GRID2: variants seen among roughly 807,000 people sequenced by gnomAD.
GRID2 encodes glutamate receptor ionotropic, delta-2.
GRID2 carries 33 observed loss-of-function variants against 114.8 expected under a neutral mutation model. The observed-to-expected ratio is 0.29, with a 90% CI of 0.22 to 0.38. The LOEUF (loss-of-function observed/expected upper bound fraction) is 0.38. GRID2 is among the 10% of genes least tolerant of loss of function. The pLI is 1.00. For missense variants in GRID2, 1,184 were observed against 1,257.7 expected (o/e 0.94, Z 0.89); for synonymous variants, 505 against 449.9 (o/e 1.12, Z -1.55).
At chr4:92,877,728 C>A (rs905879551) in intron 2 of GRID2, among the ~76,000 whole-genome samples, 4 of 152,140 alleles carry the variant, frequency 2.6e-5, no homozygotes, top group African/African-American at 9.7e-5. Flanking sequence ...TATAGTCCTG[C>A]AAAGTGGTTT....
Position 93,695,347 on chromosome 4 carries a change from G to C in GRID2, c.2360+68912G>C, listed in dbSNP as rs537768813. 1.1e-4 allele frequency among the ~76,000 whole-genome samples: 17 copies of C among 152,136 alleles called. 1 individual carries two copies. Among genetic ancestry groups the C allele is most frequent in the African/African-American group, 4.1e-4 (17 of 41,524 alleles). On this transcript the variant is annotated intron_variant, in intron 14 of 15. Transcript: ENST00000282020. ...AGGACTGGGCTATAATGGCACAATC[G>C]AAATGCATTAAATCAAATTGTAAGA...
At chr4:92,800,492 A>T (rs1740099957) in intron 2 of GRID2, among the ~76,000 whole-genome samples, 1 of 152,010 alleles carries the variant, frequency 6.6e-6, no homozygotes, top group Admixed American at 6.6e-5. Flanking sequence ...AATAGCACAT[A>T]TATCAATATG....
intron 7 of GRID2, among the ~76,000 whole-genome samples, chr4:93,231,715 G>A (rs1746171732): frequency 1.3e-5 from 2 of 152,016 alleles, no homozygotes; most frequent in Non-Finnish European, 1.5e-5. Context: ...AAATATGAAG[G>A]GTTATCTACA....
At chr4:92,373,212 T>C (rs1219435786) in intron 1 of GRID2, among the ~76,000 whole-genome samples, 1 of 152,168 alleles carries the variant, frequency 6.6e-6, no homozygotes, top group African/African-American at 2.4e-5. Context: ...GAAATTCTGA[T>C]TGGTAAAGAA....
intron 2 of GRID2, among the ~76,000 whole-genome samples, chr4:92,872,124 T>A (rs1290759642): frequency 1.3e-5 from 2 of 152,202 alleles, no homozygotes; most frequent in Admixed American, 6.5e-5. Flanking sequence ...TTTATTAACT[T>A]ATTTTTAGTA....
At chr4:93,697,270 A>G (rs1727100149) in intron 14 of GRID2, among the ~76,000 whole-genome samples, 1 of 152,162 alleles carries the variant, frequency 6.6e-6, no homozygotes, top group Non-Finnish European at 1.5e-5. Flanking sequence ...TCTTTTCTGA[A>G]AAGAAGTAGA....
At chr4:93,076,372 T>C (rs1729300246) in intron 2 of GRID2, among the ~76,000 whole-genome samples, 1 of 152,162 alleles carries the variant, frequency 6.6e-6, no homozygotes, top group Admixed American at 6.5e-5. Context: ...AGTTTGATTT[T>C]CACTTGCAGA....
intron 1 of GRID2, among the ~76,000 whole-genome samples, chr4:92,346,685 G>A (rs1185616521): frequency 6.6e-6 from 1 of 152,076 alleles, no homozygotes; most frequent in African/African-American, 2.4e-5. Flanking sequence ...ACAATATCAG[G>A]GAGAAAATCA....
intron 14 of GRID2, among the ~76,000 whole-genome samples, chr4:93,715,531 A>T (rs979389240): frequency 3.9e-5 from 6 of 152,102 alleles, no homozygotes; most frequent in Admixed American, 3.9e-4. Context: ...CAGTGTGGCC[A>T]TTTTCACAAT....
At chr4:93,442,210 A>T (rs535004022) in intron 10 of GRID2, among the ~76,000 whole-genome samples, 1 of 152,166 alleles carries the variant, frequency 6.6e-6, no homozygotes, top group South Asian at 2.1e-4. Flanking sequence ...ACTCAATTCT[A>T]GTTCTTTTAT....
At chr4:92,990,711 A>T (rs972731150) in intron 2 of GRID2, among the ~76,000 whole-genome samples, 2 of 152,004 alleles carry the variant, frequency 1.3e-5, no homozygotes, top group Non-Finnish European at 1.5e-5. Flanking sequence ...TGACTGAAGA[A>T]AAAAAAATGA....
chr4:92,497,200 C>T (rs559990601), intron 1 of GRID2, among the ~76,000 whole-genome samples: 50 of 151,768 alleles, frequency 3.3e-4, no homozygotes, highest in African/African-American at 1.2e-3. Context: ...ACTTCCAAGG[C>T]GTCTTTGAAG....
chr4:93,719,444 C>G, intron 14 of GRID2, among the ~76,000 whole-genome samples: 1 of 151,890 alleles, frequency 6.6e-6, no homozygotes, highest in Non-Finnish European at 1.5e-5. Flanking sequence ...GCTCCAAAGG[C>G]TCATCTTTTT....
At chr4:93,557,212 T>C (rs1734407401) in intron 13 of GRID2, among the ~76,000 whole-genome samples, 1 of 152,120 alleles carries the variant, frequency 6.6e-6, no homozygotes, top group Non-Finnish European at 1.5e-5. Flanking sequence ...GCTAGCATCA[T>C]AATGACAGGG....
chr4:93,733,113 A>G lies in GRID2; in HGVS notation c.2361-36097A>G, dbSNP rs369253051. Among the ~76,000 whole-genome samples, 96 of 152,236 alleles carry G rather than the reference A, an allele frequency of 6.3e-4. 8 individuals are homozygous for G. The East Asian group carries it at 9.6e-3, about 15-fold the overall frequency. ...ATTTTTATTGCTGTTACTTCACCCTACCATCAAATTAGGGAGGCTTTCTAA... is the reference window on the plus strand; with the variant it reads ...ATTTTTATTGCTGTTACTTCACCCTGCCATCAAATTAGGGAGGCTTTCTAA... On this transcript the variant is annotated intron_variant, in intron 14 of 15. Coordinates refer to ENST00000282020, the MANE Select transcript of GRID2 (RefSeq NM_001510.4).
At chr4:92,673,996 AAAG>A (rs1400783467) in intron 2 of GRID2, among the ~76,000 whole-genome samples, 3 of 134,274 alleles carry the variant, frequency 2.2e-5, no homozygotes, top group East Asian at 2.8e-4. Flanking sequence ...ATAAATAAAA[AAAG>A]AAGGCAGTTG....
chr4:93,511,750 G>T (rs1279824976), intron 12 of GRID2, among the ~76,000 whole-genome samples: 1 of 151,562 alleles, frequency 6.6e-6, no homozygotes, highest in African/African-American at 2.4e-5. Flanking sequence ...CACTTCTCTG[G>T]AGTACTCTAG....
At chr4:92,717,849 C>G (rs1735621227) in intron 2 of GRID2, among the ~76,000 whole-genome samples, 1 of 152,120 alleles carries the variant, frequency 6.6e-6, no homozygotes, top group African/African-American at 2.4e-5. Context: ...TCCAGAATTA[C>G]ACTTGTTTTC....
At chr4:93,268,308 A>C (rs1416928917) in intron 8 of GRID2, among the ~76,000 whole-genome samples, 1 of 152,152 alleles carries the variant, frequency 6.6e-6, no homozygotes, top group Non-Finnish European at 1.5e-5. Context: ...ACTTGTGGAG[A>C]GAGAGAGAAT....
Sources: allele counts gnomAD v4.1 joint callset (sites outside exome capture counted in the v4.1 genomes callset), GRCh38; gene constraint gnomAD v4.1.1; transcripts MANE v1.5; gene names NCBI Gene and HGNC (gene_info 2026-07-23, HGNC 2026-07-21).